The following BSN variants were observed in gnomAD, a reference collection of about 807,000 sequenced individuals.
The protein encoded by BSN is protein bassoon.
BSN carries 57 observed loss-of-function variants against 264.8 expected under a neutral mutation model. That is an observed-to-expected ratio of 0.22 (90% CI 0.17 to 0.27). The LOEUF (loss-of-function observed/expected upper bound fraction) is 0.27, where lower values mean the gene tolerates loss of function less well. Among genes scored for constraint, BSN ranks in the 10% least tolerant of loss-of-function variants. The pLI is 1.00. For missense variants in BSN, 4,615 were observed against 5,232.5 expected, an observed-to-expected ratio of 0.88 and a Z score of 3.64; for synonymous variants, 2,059 against 2,137.3, an observed-to-expected ratio of 0.96 and a Z score of 1.01.
intron 2 of BSN, among the ~76,000 whole-genome samples, chr3:49,635,172 G>A (rs2052411373): frequency 6.6e-6 from 1 of 152,196 alleles, no homozygotes; most frequent in South Asian, 2.1e-4. Context: ...CATGAAACAG[G>A]CAGGTTGGGA....
intron 1 of BSN, among the ~76,000 whole-genome samples, chr3:49,587,983 G>A (rs1458440250): frequency 6.7e-6 from 1 of 149,178 alleles, no homozygotes; most frequent in Admixed American, 6.8e-5. Context: ...GTGCAGTGGC[G>A]CAATCTCGGC....
chr3:49,607,134 C>T (rs2052159688), intron 1 of BSN, among the ~76,000 whole-genome samples: 1 of 152,158 alleles, frequency 6.6e-6, no homozygotes, highest in Non-Finnish European at 1.5e-5. Context: ...ACAGGCCATA[C>T]AGTTCTACCA....
Position 49,554,505 on chromosome 3 carries a change from T to TGGCGGCGGC in BSN, c.-97_-89dup, listed in dbSNP as rs1246582173. The TGGCGGCGGC allele has an allele frequency of 9.3e-6, 3 of 321,534 alleles. No homozygotes were observed. The highest frequency in any genetic ancestry group is 2.3e-5 in the African/African-American group (1 of 44,070). The allele number at this position is 321,534 out of a possible 1,614,324, so 19.9% of individuals were successfully genotyped here. On this transcript the variant is annotated 5_prime_UTR_variant, in exon 1 of 12. Coordinates refer to ENST00000296452, the MANE Select transcript of BSN (RefSeq NM_003458.4). The stretch of plus-strand genomic sequence containing the variant: ...CGGCGGCGCGAGCCGAGCTGGGAGA[T>TGGCGGCGGC]GGCGGCGGCAGCGGCGGCGCCGAGA...
intron 2 of BSN, among the ~76,000 whole-genome samples, chr3:49,626,797 C>T (rs1559608589): frequency 6.6e-6 from 1 of 152,306 alleles, no homozygotes; most frequent in East Asian, 1.9e-4. Flanking sequence ...TGCAGCACAG[C>T]ACCTGGACAA....
At chr3:49,615,824 A>G (rs1019746474) in intron 1 of BSN, among the ~76,000 whole-genome samples, 4 of 152,124 alleles carry the variant, frequency 2.6e-5, no homozygotes, top group African/African-American at 9.7e-5. Flanking sequence ...AGCCTGGTGG[A>G]GGGTAGGACT....
chr3:49,612,200 A>G (rs938553437), intron 1 of BSN, among the ~76,000 whole-genome samples: 2 of 151,340 alleles, frequency 1.3e-5, no homozygotes, highest in Admixed American at 6.6e-5. Flanking sequence ...CAGTGGTGCA[A>G]TCTCGGCTCA....
chr3:49,558,075 G>A (rs1001070496), intron 1 of BSN, among the ~76,000 whole-genome samples: 4 of 152,206 alleles, frequency 2.6e-5, no homozygotes, highest in Admixed American at 1.3e-4. Flanking sequence ...GAGAGACACT[G>A]TGGGCAGCTC....
chr3:49,670,234 C>A lies in BSN; in HGVS notation c.*2749C>A, dbSNP rs1004935570. ...CCATCACCTAACACCTCTGGCCACC[C>A]AGGACCAGGTCTGTGTGGGGATGTG... On this transcript the variant is annotated 3_prime_UTR_variant, in exon 12 of 12. Transcript: ENST00000296452. The A allele has an allele frequency of 6.6e-6, 1 of 152,298 alleles. No individual in the cohort carries two copies. The highest frequency in any genetic ancestry group is 1.5e-5 in the Non-Finnish European group (1 of 68,052). 9.4% of individuals were successfully genotyped at this position (152,298 alleles called of 1,614,324 possible). A position where few individuals can be genotyped will look rare whatever the true frequency, so the allele number is the denominator to read the frequency against.
intron 3 of BSN, among the ~76,000 whole-genome samples, chr3:49,648,426 G>A (rs1469611668): frequency 6.6e-6 from 1 of 152,260 alleles, no homozygotes; most frequent in East Asian, 1.9e-4. Flanking sequence ...ATAGGGCTGG[G>A]GAAGGGGCTG....
intron 3 of BSN, among the ~76,000 whole-genome samples, chr3:49,645,041 T>TC (rs1400622212): frequency 1.3e-5 from 2 of 152,028 alleles, no homozygotes; most frequent in African/African-American, 4.8e-5. Context: ...TGGCCGGTGT[T>TC]CCCCCCATCA....
chr3:49,597,359 C>T (rs1046988669), intron 1 of BSN, among the ~76,000 whole-genome samples: 2 of 152,078 alleles, frequency 1.3e-5, no homozygotes, highest in Non-Finnish European at 2.9e-5. Context: ...GCTCTGTCAC[C>T]TGGGCTAGAG....
At chr3:49,561,418 A>T (rs755046607) in intron 1 of BSN, among the ~76,000 whole-genome samples, 22 of 152,172 alleles carry the variant, frequency 1.4e-4, no homozygotes, top group Non-Finnish European at 2.8e-4. Flanking sequence ...CCTCCCAAAG[A>T]TGCTGGAAGA....
chr3:49,605,580 T>A (rs1051119198), intron 1 of BSN, among the ~76,000 whole-genome samples: 2 of 1,414 alleles, frequency 1.4e-3, no homozygotes, highest in African/African-American at 3.5e-3. Context: ...ATTATATATA[T>A]TATATATTTA....
In BSN at chr3:49,657,262, A is replaced by C; in HGVS notation, c.7706A>C (p.Glu2569Ala). 6.2e-7 allele frequency: 1 copy of C among 1,613,520 alleles called. No individual in the cohort carries two copies. The highest frequency in any genetic ancestry group is 1.1e-5 in the South Asian group (1 of 91,086). Reference sequence around the variant, plus strand: ...CGCCTGCGGGATGCCTGTGAGCTAGAGTCTGGGACTGAGCCCTGTGTGGTC... The same window carrying C: ...CGCCTGCGGGATGCCTGTGAGCTAGCGTCTGGGACTGAGCCCTGTGTGGTC... ...MPRLRDACEL[E>A]SGTEPCVVRR... Residue 2569 changes from glutamate to alanine, a missense_variant, in exon 5 of 12, where the codon GAG becomes GCG. Physicochemically the swap from Glu to Ala is moderately radical, Grantham distance 107. This residue lies in a region of BSN where 3,415 missense variants were observed against 3,866.4 expected (regional missense o/e 0.88). Coordinates refer to ENST00000296452, the MANE Select transcript of BSN (RefSeq NM_003458.4).
intron 1 of BSN, among the ~76,000 whole-genome samples, chr3:49,561,903 G>C (rs2051714270): frequency 6.6e-6 from 1 of 152,070 alleles, no homozygotes; most frequent in Non-Finnish European, 1.5e-5. Context: ...TGCCTCTTGG[G>C]ATCAAGTGAT....
At chr3:49,565,421 C>T (rs1367011287) in intron 1 of BSN, among the ~76,000 whole-genome samples, 1 of 148,692 alleles carries the variant, frequency 6.7e-6, no homozygotes, top group African/African-American at 2.5e-5. Flanking sequence ...CCTGGGTTCG[C>T]GCCATTCTCC....
Position 49,651,402 on chromosome 3 carries a change from G to T in BSN, c.1987-141G>T. ...CCTTCAGGTTATTCAAGGCCAGAAG[G>T]AGATAGGGTGGGTGGCGGGCCCTAA... is the stretch of plus-strand genomic sequence containing the variant. On this transcript the variant is annotated intron_variant, in intron 4 of 11. Transcript: ENST00000296452. The surrounding 1 kb of genome is among the most constrained non-coding windows in gnomAD (Gnocchi z 5.4). 1.1e-6 allele frequency: 1 copy of T among 921,144 alleles called. No homozygotes were observed. Among genetic ancestry groups the T allele is most frequent in the South Asian group, 1.8e-5 (1 of 57,056 alleles). 57.1% of individuals were successfully genotyped at this position (921,144 alleles called of 1,614,324 possible).
chr3:49,617,060 G>A (rs1028317286), intron 1 of BSN, among the ~76,000 whole-genome samples: 2 of 152,140 alleles, frequency 1.3e-5, no homozygotes, highest in Admixed American at 6.5e-5. Flanking sequence ...AATGCTGAAA[G>A]GAAGAAAAGC....
In BSN at chr3:49,652,890, G is replaced by A. The variant is rs1559614923; in HGVS notation, c.3334G>A (p.Ala1112Thr). The A allele has an allele frequency of 6.2e-7, 1 of 1,609,486 alleles. No homozygotes were observed. Among genetic ancestry groups the A allele is most frequent in the Admixed American group, 1.7e-5 (1 of 59,716 alleles). Residue 1112 changes from alanine (A) to threonine (T), a missense_variant, in exon 5 of 12, where the codon GCG (alanine) becomes ACG (threonine). Coordinates refer to ENST00000296452, the MANE Select transcript of BSN (RefSeq NM_003458.4). Reference protein sequence around the residue: ...DASPTEELRQAAEMEELHRSS... With the variant: ...DASPTEELRQTAEMEELHRSS... The stretch of plus-strand genomic sequence containing the variant: ...CTCCCCGACGGAGGAGCTGAGGCAG[G>A]CGGCCGAGATGGAGGAGCTACACCG...
Sources: allele counts gnomAD v4.1 joint callset (sites outside exome capture counted in the v4.1 genomes callset), GRCh38; gene constraint gnomAD v4.1.1; regional missense constraint gnomAD v4.1.1; non-coding constraint Gnocchi (gnomAD v3.1); transcripts MANE v1.5; gene names NCBI Gene and HGNC (gene_info 2026-07-23, HGNC 2026-07-21).